DACH2: variants seen among roughly 807,000 people sequenced by gnomAD.
The protein encoded by DACH2 is dachshund homolog 2.
A neutral mutation model predicts 35.8 loss-of-function variants in DACH2; 17 were observed. The observed-to-expected ratio is 0.48, with a 90% CI of 0.33 to 0.71. DACH2 has a LOEUF of 0.71. Among genes scored for constraint, DACH2 ranks in the 30% least tolerant of loss-of-function variants. The pLI is 0.02. For synonymous variants in DACH2, 195 were observed against 177.3 expected (o/e 1.10, Z -0.79); for missense variants, 469 against 472.7 (o/e 0.99, Z 0.07).
chrX:86,727,935 A>G (rs1458325763), intron 6 of DACH2, among the ~76,000 whole-genome samples: 3 of 112,330 alleles, frequency 2.7e-5, no homozygotes, highest in East Asian at 5.6e-4. Flanking sequence ...TTGTAAAGAT[A>G]CCTGAAAATG....
chrX:86,665,101 T>A (rs1180503117), intron 4 of DACH2, among the ~76,000 whole-genome samples: 1 of 111,939 alleles, frequency 8.9e-6, no homozygotes, highest in Non-Finnish European at 1.9e-5. Context: ...TTGCCTTCAA[T>A]AAACATAAGG....
At chrX:86,190,546 G>A (rs1397570524) in intron 1 of DACH2, among the ~76,000 whole-genome samples, 2 of 112,034 alleles carry the variant, frequency 1.8e-5, no homozygotes, top group Non-Finnish European at 3.8e-5. Flanking sequence ...AGACAAACAC[G>A]TGGCCAACAA....
chrX:86,815,575 C>CTATA (rs1318031446), intron 10 of DACH2, among the ~76,000 whole-genome samples: 4 of 103,751 alleles, frequency 3.9e-5, no homozygotes, highest in Non-Finnish European at 7.8e-5. Context: ...GTTGCACTTA[C>CTATA]TATATATATA....
At chrX:86,366,135 G>C (rs1196365848) in intron 1 of DACH2, among the ~76,000 whole-genome samples, 1 of 110,997 alleles carries the variant, frequency 9.0e-6, no homozygotes, top group Non-Finnish European at 1.9e-5. Context: ...ACTACAAGGA[G>C]ATATCCATTT....
At chrX:86,155,949 G>T in intron 1 of DACH2, among the ~76,000 whole-genome samples, 1 of 110,666 alleles carries the variant, frequency 9.0e-6, no homozygotes, top group East Asian at 2.8e-4. Flanking sequence ...AGTTGAAAAT[G>T]AACTTCAATA....
chrX:86,462,249 G>C (rs996007834), intron 2 of DACH2, among the ~76,000 whole-genome samples: 10 of 111,726 alleles, frequency 9.0e-5, no homozygotes, highest in African/African-American at 3.2e-4. Context: ...GAACTGAAGA[G>C]TTTCTTTATA....
intron 1 of DACH2, among the ~76,000 whole-genome samples, chrX:86,293,934 G>T (rs77143351): frequency 0.018 from 1,950 of 110,827 alleles, 51 homozygotes; most frequent in African/African-American, 0.06. Flanking sequence ...GTATCTTTGT[G>T]GCATTCTCTG....
At chrX:86,227,105 C>T (rs1031371583) in intron 1 of DACH2, among the ~76,000 whole-genome samples, 2 of 111,372 alleles carry the variant, frequency 1.8e-5, no homozygotes, top group African/African-American at 6.5e-5. Context: ...AATTATTAGG[C>T]ACTTAAAAAT....
chrX:86,469,414 C>T (rs1426702248), intron 2 of DACH2, among the ~76,000 whole-genome samples: 1 of 110,444 alleles, frequency 9.1e-6, no homozygotes, highest in Non-Finnish European at 1.9e-5. Flanking sequence ...TTAGCCATTC[C>T]CCAATGTATA....
At chrX:86,335,161 G>A (rs999823026) in intron 1 of DACH2, among the ~76,000 whole-genome samples, 2 of 111,736 alleles carry the variant, frequency 1.8e-5, no homozygotes, top group East Asian at 2.8e-4. Context: ...GGTTACTGTA[G>A]CCTTGTAGTA....
chrX:86,761,847 A>G (rs1043186380), intron 7 of DACH2, among the ~76,000 whole-genome samples: 2 of 105,795 alleles, frequency 1.9e-5, no homozygotes, highest in Middle Eastern at 4.8e-3. Context: ...CCAGTGTGGC[A>G]TACACTGGCA....
intron 1 of DACH2, among the ~76,000 whole-genome samples, chrX:86,273,181 C>A (rs763859484): frequency 8.9e-6 from 1 of 111,828 alleles, no homozygotes; most frequent in Non-Finnish European, 1.9e-5. Flanking sequence ...TTCAGAAGAA[C>A]AAAATTGTAA....
At chrX:86,333,926 G>A (rs1000860983) in intron 1 of DACH2, among the ~76,000 whole-genome samples, 1 of 110,699 alleles carries the variant, frequency 9.0e-6, no homozygotes, top group African/African-American at 3.3e-5. Context: ...CACCCAGCAG[G>A]CCCCAGTGTG....
At chrX:86,819,524 G>T (rs922886016) in intron 11 of DACH2, among the ~76,000 whole-genome samples, 1 of 112,093 alleles carries the variant, frequency 8.9e-6, no homozygotes, top group Admixed American at 9.5e-5. Flanking sequence ...ACAACTACAA[G>T]TGTGCTGATA....
In DACH2 at chrX:86,787,446, C is replaced by T. The variant is rs755068092; in HGVS notation, c.1241-25410C>T. Among the ~76,000 whole-genome samples the T allele has an allele frequency of 2.7e-5, 3 of 110,110 alleles. No homozygotes were observed. The East Asian group carries it at 8.7e-4, about 32-fold the overall frequency. On this transcript the variant is annotated intron_variant, in intron 7 of 11. Coordinates refer to ENST00000373125, the MANE Select transcript of DACH2 (RefSeq NM_053281.3). Reference sequence around the variant, plus strand: ...CCTGGCTAACATGGCAGAACCCTGTCTCTACTAAAAAATACAAAAAAATTA... The same window carrying T: ...CCTGGCTAACATGGCAGAACCCTGTTTCTACTAAAAAATACAAAAAAATTA...
chrX:86,338,349 A>T (rs1011664180), intron 1 of DACH2, among the ~76,000 whole-genome samples: 1 of 111,793 alleles, frequency 8.9e-6, no homozygotes, highest in Non-Finnish European at 1.9e-5. Flanking sequence ...GAAGGAACAG[A>T]AAATCATAAC....
rs188419705 is a variant in DACH2 at position 86,234,427 on chromosome X, C to T, written c.488+85319C>T. ...TACTACTCTCTACCAAAATATTACA[C>T]TGGTCACCCCCAACCCCATTTTTAT... On this transcript the variant is annotated intron_variant, in intron 1 of 11. Coordinates refer to ENST00000373125, the MANE Select transcript of DACH2 (RefSeq NM_053281.3). Among the ~76,000 whole-genome samples, 25 of 111,183 alleles carry T rather than the reference C, an allele frequency of 2.2e-4. No homozygotes were observed. In the East Asian group the frequency reaches 6.8e-3, roughly 30 times the overall value.
intron 7 of DACH2, among the ~76,000 whole-genome samples, chrX:86,749,496 C>T (rs974825472): frequency 9.9e-5 from 11 of 111,395 alleles, no homozygotes; most frequent in African/African-American, 3.6e-4. Flanking sequence ...GGGGGGACGA[C>T]AGGTCAGTGA....
intron 3 of DACH2, among the ~76,000 whole-genome samples, chrX:86,618,629 G>A (rs2040035116): frequency 8.9e-6 from 1 of 111,858 alleles, no homozygotes; most frequent in Admixed American, 9.5e-5. Flanking sequence ...ATTATTAATT[G>A]TTTAGTTATC....
Sources: allele counts gnomAD v4.1 joint callset (sites outside exome capture counted in the v4.1 genomes callset), GRCh38; gene constraint gnomAD v4.1.1; transcripts MANE v1.5; gene names NCBI Gene and HGNC (gene_info 2026-07-23, HGNC 2026-07-21).